ESCO1: variants seen among roughly 807,000 people sequenced by gnomAD.
ESCO1 encodes N-acetyltransferase ESCO1.
In ESCO1, 33 loss-of-function variants were observed where a neutral mutation model predicts 83.5. The ratio of observed to expected loss-of-function variants is 0.40; its 90% CI spans 0.30 to 0.53. ESCO1 has a LOEUF of 0.53. Among genes scored for constraint, ESCO1 ranks in the 20% least tolerant of loss-of-function variants. The probability of loss-of-function intolerance (pLI) is 0.63; values close to 1 mark genes in which losing one functional copy is unlikely to be tolerated. For missense variants in ESCO1, 855 were observed against 968.0 expected, an observed-to-expected ratio of 0.88 and a Z score of 1.55; for synonymous variants, 332 against 324.3, an observed-to-expected ratio of 1.02 and a Z score of -0.25.
chr18:21,580,859 G>C (rs1388387996), intron 2 of ESCO1, among the ~76,000 whole-genome samples: 1 of 152,190 alleles, frequency 6.6e-6, no homozygotes, highest in Middle Eastern at 3.4e-3. Flanking sequence ...GCATGGTGGT[G>C]CATGTCTGTA....
intron 9 of ESCO1, 148 bp from the exon 10 acceptor site, chr18:21,536,333 T>C: frequency 1.1e-6 from 1 of 888,958 alleles, no homozygotes. Flanking sequence ...TTCACACCTG[T>C]AATCCTACCA....
intron 2 of ESCO1, among the ~76,000 whole-genome samples, chr18:21,581,786 A>C (rs1186634002): frequency 6.6e-6 from 1 of 152,146 alleles, no homozygotes; most frequent in Non-Finnish European, 1.5e-5. Context: ...TCAGAGATGA[A>C]GCAGGAGGAT....
At chr18:21,585,243 C>T (rs563019619) in intron 1 of ESCO1, among the ~76,000 whole-genome samples, 1 of 152,076 alleles carries the variant, frequency 6.6e-6, no homozygotes, top group Non-Finnish European at 1.5e-5. Context: ...TCTTATCCCA[C>T]CTCCATGAGA....
intron 9 of ESCO1, among the ~76,000 whole-genome samples, chr18:21,538,288 A>T (rs1215088485): frequency 4.5e-5 from 4 of 89,148 alleles, no homozygotes; most frequent in African/African-American, 1.6e-4. Context: ...CCTGTCTCTT[A>T]AAAAAAAAAA....
At chr18:21,596,913 T>C (rs1014741983) in intron 1 of ESCO1, 3 of 152,362 alleles carry the variant, frequency 2.0e-5, no homozygotes, top group Admixed American at 2.0e-4. Context: ...TCCCCTTCAG[T>C]TTCAACAACT....
chr18:21,589,690 G>C (rs1420236967), intron 1 of ESCO1, among the ~76,000 whole-genome samples: 3 of 152,158 alleles, frequency 2.0e-5, no homozygotes, highest in Admixed American at 6.6e-5. Context: ...GGACAACAGA[G>C]TAGAGAGTAA....
At chr18:21,534,270 C>G (rs867600473) in intron 10 of ESCO1, among the ~76,000 whole-genome samples, 4 of 152,194 alleles carry the variant, frequency 2.6e-5, no homozygotes, top group Admixed American at 6.5e-5. Context: ...TCAAGGTCAT[C>G]GCCAAGGTCT....
chr18:21,539,095 G>T (rs531290129), intron 9 of ESCO1, among the ~76,000 whole-genome samples: 2 of 151,018 alleles, frequency 1.3e-5, no homozygotes, highest in Non-Finnish European at 2.9e-5. Flanking sequence ...TTATGTTTCC[G>T]CATTATATTT....
intron 2 of ESCO1, among the ~76,000 whole-genome samples, chr18:21,579,111 C>T (rs1418023154): frequency 2.0e-5 from 3 of 152,050 alleles, no homozygotes; most frequent in South Asian, 2.1e-4. Flanking sequence ...CTGCCTGCCT[C>T]GGCCTCCCAA....
intron 8 of ESCO1, among the ~76,000 whole-genome samples, chr18:21,546,276 G>A (rs1173542661): frequency 6.6e-6 from 1 of 152,086 alleles, no homozygotes; most frequent in Non-Finnish European, 1.5e-5. Context: ...CAGGCCTGGT[G>A]CAGTGGCTCA....
At chr18:21,598,472 G>A (rs2038795645) in intron 1 of ESCO1, among the ~76,000 whole-genome samples, 1 of 152,002 alleles carries the variant, frequency 6.6e-6, no homozygotes, top group Non-Finnish European at 1.5e-5. Flanking sequence ...GGCCGAGGCA[G>A]GCGGATCACC....
chr18:21,531,615 T>TC (rs1306713347), intron 11 of ESCO1, among the ~76,000 whole-genome samples: 1 of 151,934 alleles, frequency 6.6e-6, no homozygotes, highest in Non-Finnish European at 1.5e-5. Context: ...GCCCAGGAGT[T>TC]CGAGACCAGC....
intron 2 of ESCO1, among the ~76,000 whole-genome samples, chr18:21,579,028 T>A (rs1395884532): frequency 6.6e-6 from 1 of 152,084 alleles, no homozygotes; most frequent in Non-Finnish European, 1.5e-5. Context: ...ACCGGCTAAT[T>A]TTTTTGTATT....
intron 1 of ESCO1, among the ~76,000 whole-genome samples, chr18:21,594,771 C>T (rs1172060391): frequency 6.6e-6 from 1 of 152,016 alleles, no homozygotes; most frequent in East Asian, 1.9e-4. Flanking sequence ...AATCCAGTGT[C>T]TTGTGATAAC....
At chr18:21,596,622 C>A (rs139123861) in intron 1 of ESCO1, among the ~76,000 whole-genome samples, 2,026 of 152,124 alleles carry the variant, frequency 0.013, 42 homozygotes, top group African/African-American at 0.046. Flanking sequence ...CACCTGAGGT[C>A]AGGAGTTCAA....
At chr18:21,560,017 A>C (rs898007293) in intron 8 of ESCO1, among the ~76,000 whole-genome samples, 7 of 152,142 alleles carry the variant, frequency 4.6e-5, no homozygotes, top group African/African-American at 1.7e-4. Context: ...TAAATAATCT[A>C]GTATCTGGTA....
intron 5 of ESCO1, among the ~76,000 whole-genome samples, chr18:21,567,042 A>G (rs898032363): frequency 3.9e-5 from 6 of 152,194 alleles, no homozygotes; most frequent in Non-Finnish European, 8.8e-5. Flanking sequence ...TGCTCCATGT[A>G]TACCTTTCCT....
chr18:21,541,766 GAA>G (rs1454816431), intron 8 of ESCO1, among the ~76,000 whole-genome samples: 9 of 151,942 alleles, frequency 5.9e-5, no homozygotes, highest in African/African-American at 1.4e-4. Context: ...TTAATAAAAT[GAA>G]AAGAGATTTT....
In ESCO1 at chr18:21,579,818, A is replaced by G. The variant is rs1343337194; in HGVS notation, c.-693-4041T>C. 1.5e-4 allele frequency among the ~76,000 whole-genome samples: 22 copies of G among 150,226 alleles called. 1 individual carries two copies. Among genetic ancestry groups the G allele is most frequent in the African/African-American group, 2.2e-4 (9 of 41,026 alleles). ...CGCACACACACACACACACACACAC[A>G]CACACACACACACACACACACACAG... is the stretch of plus-strand genomic sequence containing the variant. On this transcript the variant is annotated intron_variant, in intron 2 of 11. Transcript: ENST00000269214.
Sources: allele counts gnomAD v4.1 joint callset (sites outside exome capture counted in the v4.1 genomes callset), GRCh38; gene constraint gnomAD v4.1.1; transcripts MANE v1.5; gene names NCBI Gene and HGNC (gene_info 2026-07-23, HGNC 2026-07-21).